Variants in CRYAB observed in about 807,000 individuals in gnomAD.
CRYAB encodes crystallin alpha B, also known as alpha-crystallin B chain.
A neutral mutation model predicts 12.7 loss-of-function variants in CRYAB; 9 were observed. That is an observed-to-expected ratio of 0.71 (90% CI 0.43 to 1.24). The LOEUF is 1.24. CRYAB is among the 50% of genes most tolerant of loss of function. The pLI is 0.00. For missense variants in CRYAB, 183 were observed against 226.6 expected (o/e 0.81, Z 1.24); for synonymous variants, 93 against 86.8 (o/e 1.07, Z -0.40).
At chr11:111,912,688 C>CCCCA, upstream of CRYAB, 20 of 533,976 alleles carry the variant, frequency 3.7e-5, no homozygotes, top group Middle Eastern at 5.7e-4. Flanking sequence ...CCCTCCCCCC[C>CCCCA]CAAGAGGCTC....
chr11:111,920,756 C>T (rs1378085286), intron 1 of CRYAB, among the ~76,000 whole-genome samples: 2 of 151,740 alleles, frequency 1.3e-5, no homozygotes, highest in African/African-American at 4.8e-5. Flanking sequence ...AGAATGAGAC[C>T]CTGTCTCAAA....
upstream of CRYAB, among the ~76,000 whole-genome samples, chr11:111,914,883 C>G (rs1965573695): frequency 6.6e-6 from 1 of 152,088 alleles, no homozygotes; most frequent in Non-Finnish European, 1.5e-5. Context: ...AGAGACCAGC[C>G]TGGGCAATAG....
At chr11:111,912,097 C>A (rs1256318478), upstream of CRYAB, 10 of 273,096 alleles carry the variant, frequency 3.7e-5, no homozygotes, top group East Asian at 7.4e-4. Context: ...TGGGAGCCGG[C>A]GTAGTGTGCC....
upstream of CRYAB, chr11:111,911,955 C>T (rs1965476396): frequency 9.2e-6 from 5 of 545,312 alleles, no homozygotes; most frequent in Admixed American, 6.2e-5. Flanking sequence ...ACGTCTGAGC[C>T]GGCCAGTGAC....
At chr11:111,911,951 G>A (rs1965476232), upstream of CRYAB, 1 of 554,058 alleles carries the variant, frequency 1.8e-6, no homozygotes, top group African/African-American at 1.9e-5. Flanking sequence ...AAACACGTCT[G>A]AGCCGGCCAG....
At chr11:111,913,216 CCCT>C (rs1352323468), upstream of CRYAB, 19 of 603,608 alleles carry the variant, frequency 3.1e-5, no homozygotes, top group East Asian at 8.3e-5. Context: ...CTCCTCCTCC[CCCT>C]CCTCCTCCTT....
At chr11:111,912,072 G>A, upstream of CRYAB, 1 of 282,060 alleles carries the variant, frequency 3.5e-6, no homozygotes, top group East Asian at 7.6e-5. Context: ...GCAGGCACGC[G>A]GGGTGGGGGG....
In CRYAB at chr11:111,921,610, A is replaced by T. The variant is rs142908897; in HGVS notation, c.-199+2093T>A. Among the ~76,000 whole-genome samples the T allele has an allele frequency of 2.6e-5, 4 of 152,358 alleles. 1 individual carries two copies. Among genetic ancestry groups the T allele is most frequent in the Non-Finnish European group, 4.4e-5 (3 of 68,030 alleles). ...ATAGACATAGGACATCTAGAAGCAC[A>T]GAAAAGCTTCTAGAGAAGGAGATGT... On this transcript the variant is annotated intron_variant, in intron 1 of 3. Coordinates refer to the CRYAB transcript ENST00000527950.
intron 1 of CRYAB, among the ~76,000 whole-genome samples, chr11:111,922,040 C>T (rs1460214586): frequency 6.6e-6 from 1 of 152,218 alleles, no homozygotes; most frequent in Admixed American, 6.5e-5. Flanking sequence ...ACCTGTTGGC[C>T]AGGCTGGTCT....
intron 1 of CRYAB, chr11:111,919,170 G>GGT: frequency 1.3e-6 from 1 of 776,090 alleles, no homozygotes; most frequent in Non-Finnish European, 2.1e-6. Context: ...CCTTTCAGGA[G>GGT]GCCTTAGAAG....
At position 111,908,753 on chromosome 11, in the gene CRYAB, AG is replaced by A. The variant is rs1555165211; in HGVS notation, c.*10del. The A allele has an allele frequency of 6.2e-7, 1 of 1,612,182 alleles. No homozygotes were observed. The highest frequency in any genetic ancestry group is 1.7e-5 in the Admixed American group (1 of 60,012). On this transcript the variant is annotated 3_prime_UTR_variant, in exon 3 of 3. Coordinates refer to ENST00000650687, the MANE Select transcript of CRYAB (RefSeq NM_001289808.2). ...TTCTTGTTTTAAAAAATGCAATTCA[AG>A]AAAGGGCATCTATTTCTTGGGGGCT...
chr11:111,912,657 C>T (rs959608056), upstream of CRYAB: 15 of 619,412 alleles, frequency 2.4e-5, no homozygotes, highest in Non-Finnish European at 4.3e-5. Context: ...GTTGCTCTCA[C>T]TCAGGGCCCC....
At chr11:111,920,069 C>A (rs2137398301) in intron 1 of CRYAB, among the ~76,000 whole-genome samples, 1 of 152,142 alleles carries the variant, frequency 6.6e-6, no homozygotes, top group Non-Finnish European at 1.5e-5. Context: ...GTGGTGGGTG[C>A]CTGTAGTCCC....
In CRYAB at chr11:111,909,027, C is replaced by T. The variant is rs560103223; in HGVS notation, c.325-60G>A. 1.5e-5 allele frequency: 23 copies of T among 1,569,124 alleles called. No homozygotes were observed. In the African/African-American group the frequency reaches 3.0e-4, roughly 20 times the overall value. ...TAAGAACAGGAACTATTATCACCTG[C>T]CCAGAACTCAGGCATCCTGATTTCC... On this transcript the variant is annotated intron_variant, in intron 2 of 2. Coordinates refer to ENST00000650687, the MANE Select transcript of CRYAB (RefSeq NM_001289808.2).
chr11:111,917,760 CT>C (rs1191046025), upstream of CRYAB, among the ~76,000 whole-genome samples: 1 of 151,058 alleles, frequency 6.6e-6, no homozygotes, highest in African/African-American at 2.4e-5. Context: ...GGGGGAGAAT[CT>C]TTTGAGCGTA....
At chr11:111,913,062 C>A, upstream of CRYAB, 1 of 668,096 alleles carries the variant, frequency 1.5e-6, no homozygotes, top group South Asian at 1.8e-5. Context: ...CCCAGACTAC[C>A]CCTCATCCCC....
chr11:111,920,484 G>C (rs1285223457), intron 1 of CRYAB, among the ~76,000 whole-genome samples: 1 of 152,080 alleles, frequency 6.6e-6, no homozygotes, highest in Non-Finnish European at 1.5e-5. Flanking sequence ...GTTGCAGTGA[G>C]CTGAGATTGC....
rs782200096 is a variant in CRYAB, at chr11:111,908,812, G to C, written c.480C>G (p.Pro160=). 6.8e-6 allele frequency: 11 copies of C among 1,613,588 alleles called. No individual in the cohort carries two copies. Among genetic ancestry groups the C allele is most frequent in the Non-Finnish European group, 9.3e-6 (11 of 1,180,038 alleles). The change falls in exon 3 of 3, where the codon CCC becomes CCG. Residue 160 remains proline (P), a synonymous_variant. Transcript: ENST00000650687. ...KQVSGPERTI[P]ITREEKPAVT... is the part of the protein sequence containing the mutation. ...CAGCAGGCTTCTCTTCACGGGTGAT[G>C]GGAATGGTGCGCTCAGGGCCAGAGA...
chr11:111,920,204 A>G (rs1286547875), intron 1 of CRYAB, among the ~76,000 whole-genome samples: 1 of 152,042 alleles, frequency 6.6e-6, no homozygotes, highest in Non-Finnish European at 1.5e-5. Context: ...CAAAAATAAA[A>G]TAAAATAAAA....
Sources: allele counts gnomAD v4.1 joint callset (sites outside exome capture counted in the v4.1 genomes callset), GRCh38; gene constraint gnomAD v4.1.1; transcripts MANE v1.5; gene names NCBI Gene and HGNC (gene_info 2026-07-23, HGNC 2026-07-21).